HGS: variants seen among roughly 807,000 people sequenced by gnomAD.
HGS encodes the protein hepatocyte growth factor-regulated tyrosine kinase substrate.
A neutral mutation model predicts 109.7 loss-of-function variants in HGS; 63 were observed. The ratio of observed to expected loss-of-function variants is 0.57; its 90% CI spans 0.47 to 0.71. HGS has a LOEUF of 0.71. Ranked by LOEUF, HGS falls within the 30% of genes least tolerant of loss-of-function variation. HGS has a pLI of 0.00. For synonymous variants in HGS, 546 were observed against 437.3 expected (o/e 1.25, Z -3.10); for missense variants, 995 against 1,068.3 (o/e 0.93, Z 0.96).
At chr17:81,694,189 G>T (rs1277857704) in intron 11 of HGS, among the ~76,000 whole-genome samples, 1 of 152,204 alleles carries the variant, frequency 6.6e-6, no homozygotes, top group African/African-American at 2.4e-5. Flanking sequence ...GAGGACATGG[G>T]ACAGGCTGTG....
intron 1 of HGS, chr17:81,685,018 C>G (rs953325812): frequency 7.1e-5 from 70 of 985,198 alleles, no homozygotes; most frequent in Non-Finnish European, 7.8e-5. Context: ...CTGGAGCTGC[C>G]CCCCCAGAGG....
intron 18 of HGS, 79 bp downstream of exon 18, chr17:81,697,077 A>G: frequency 2.1e-6 from 3 of 1,432,150 alleles, no homozygotes; most frequent in Non-Finnish European, 2.8e-6. Context: ...AAGCAGTAAG[A>G]ATGGTGCGAA....
intron 5 of HGS, 69 bp downstream of exon 5, chr17:81,688,896 C>T: frequency 6.3e-7 from 1 of 1,594,524 alleles, no homozygotes; most frequent in East Asian, 2.2e-5. Flanking sequence ...TCAACGGGCA[C>T]AGTGGCGAGG....
chr17:81,692,103 G>C (rs749976893), intron 8 of HGS: 14 of 161,240 alleles, frequency 8.7e-5, no homozygotes, highest in Non-Finnish European at 1.5e-4. Context: ...ATCTCTGAGA[G>C]GGACAGTGCT....
chr17:81,695,122 T>C (rs376635829), intron 13 of HGS, 42 bp from the exon 14 acceptor site: 1 of 1,613,520 alleles, frequency 6.2e-7, no homozygotes, highest in Non-Finnish European at 8.5e-7. Flanking sequence ...AAGGGGTGGA[T>C]GCGGGACAGG....
In HGS at chr17:81,687,061, A is replaced by G; in HGVS notation, c.257A>G (p.Lys86Arg). Reference sequence around the variant, plus strand: ...ACAGTTCATGATGAGGTGGCCAACAAGCAGACCATGGAGGAGCTGAAGGAC... The same window carrying G: ...ACAGTTCATGATGAGGTGGCCAACAGGCAGACCATGGAGGAGCTGAAGGAC... ...GQTVHDEVANKQTMEELKDLL... is the reference protein window; with the variant it reads ...GQTVHDEVANRQTMEELKDLL... Residue 86 changes from lysine (K) to arginine (R), a missense_variant, in exon 4 of 22, where the codon AAG (lysine) becomes AGG (arginine). Around this residue, in one of 6 missense-constraint regions of HGS, gnomAD observed 182 missense variants for 261.3 expected, o/e 0.70. Coordinates refer to ENST00000329138, the MANE Select transcript of HGS (RefSeq NM_004712.5). The G allele has an allele frequency of 6.2e-7, 1 of 1,613,448 alleles. No individual in the cohort carries two copies. The highest frequency in any genetic ancestry group is 8.5e-7 in the Non-Finnish European group (1 of 1,179,934).
chr17:81,698,325 G>A (rs527909348), intron 18 of HGS: 1 of 152,354 alleles, frequency 6.6e-6, no homozygotes, highest in African/African-American at 2.4e-5. Context: ...AGGTCTTTCT[G>A]TGTTGCCCAA....
chr17:81,693,807 C>T (rs2037102223), intron 10 of HGS, 55 bp downstream of exon 10: 2 of 1,550,004 alleles, frequency 1.3e-6, no homozygotes, highest in East Asian at 4.6e-5. Context: ...CCTGGATGTG[C>T]TGCGGTGGGG....
chr17:81,691,996 T>C lies in HGS; in HGVS notation c.662+425T>C. 1 of 190,010 alleles carries C rather than the reference T, an allele frequency of 5.3e-6. No homozygotes were observed. The highest frequency in any genetic ancestry group is 5.4e-5 in the Admixed American group (1 of 18,660). The allele number at this position is 190,010 out of a possible 1,614,324, so 11.8% of individuals were successfully genotyped here. A position where few individuals can be genotyped will look rare whatever the true frequency, so the allele number is the denominator to read the frequency against. On this transcript the variant is annotated intron_variant, in intron 8 of 21. Transcript: ENST00000329138. This position sits in a 1 kb window ranked among gnomAD's most constrained non-coding sequence, Gnocchi z 5.3. ...GTTTTGTCGCAGAGTTTACTCTGCC[T>C]CCCCTCTCCTGCGCGTGCGTGTGTT... is the stretch of plus-strand genomic sequence containing the variant.
chr17:81,688,481 C>A (rs757616697), intron 4 of HGS, among the ~76,000 whole-genome samples: 1 of 152,188 alleles, frequency 6.6e-6, no homozygotes, highest in African/African-American at 2.4e-5. Context: ...CACAGAGACG[C>A]GGCGTTGTTT....
rs762698008 is a variant in HGS, at chr17:81,701,072, G to A, written c.2164G>A (p.Asp722Asn). The stretch of plus-strand genomic sequence containing the variant: ...TCTCATGACCACCCTCCCAAGCCAG[G>A]ATGCGTCTCTGCCACCCCAGCAGCC... ...QNLMTTLPSQDASLPPQQPYI... is the reference protein window; with the variant it reads ...QNLMTTLPSQNASLPPQQPYI... The change falls in exon 21 of 22, where the codon GAT (aspartate) becomes AAT (asparagine). Residue 722 changes from aspartate (D) to asparagine (N), a missense_variant. By Grantham distance (23) the Asp-to-Asn change is conservative. Around this residue, in one of 6 missense-constraint regions of HGS, gnomAD observed 326 missense variants for 309.7 expected, o/e 1.05. Transcript: ENST00000329138. The A allele has an allele frequency of 6.8e-6, 11 of 1,614,070 alleles. No individual in the cohort carries two copies. The highest frequency in any genetic ancestry group is 8.5e-6 in the Non-Finnish European group (10 of 1,180,030).
Position 81,691,393 on chromosome 17 carries a change from G to A in HGS, c.538-54G>A, listed in dbSNP as rs1294921734. The A allele has an allele frequency of 5.6e-6, 9 of 1,608,088 alleles. No individual in the cohort carries two copies. Among genetic ancestry groups the A allele is most frequent in the Non-Finnish European group, 7.6e-6 (9 of 1,178,210 alleles). On this transcript the variant is annotated intron_variant, in intron 7 of 21. Coordinates refer to ENST00000329138, the MANE Select transcript of HGS (RefSeq NM_004712.5). The surrounding 1 kb of genome is among the most constrained non-coding windows in gnomAD (Gnocchi z 5.3). ...GTACGGGGTGGTTCTGGGCCGGGTG[G>A]CGCATCAGGGTCCCCCAGTGCCTGT...
intron 18 of HGS, among the ~76,000 whole-genome samples, chr17:81,699,530 A>G (rs550374837): frequency 3.2e-4 from 49 of 152,268 alleles, no homozygotes; most frequent in African/African-American, 1.1e-3. Context: ...GGTTCAAGCA[A>G]TTCTCCTGCC....
chr17:81,685,679 G>C lies in HGS; in HGVS notation c.112G>C (p.Gly38Arg). ...ILQICDLIRQ[G>R]DTQAKYAVNS... Reference sequence around the variant, plus strand: ...GCAGATCTGCGACCTGATCCGCCAAGGGGACACACAGTGAGTTAGCGGGGC... The same window carrying C: ...GCAGATCTGCGACCTGATCCGCCAACGGGACACACAGTGAGTTAGCGGGGC... The change falls in exon 2 of 22, where the codon GGG becomes CGG. Residue 38 changes from glycine to arginine, a missense_variant. Transcript: ENST00000329138. The C allele has an allele frequency of 6.2e-7, 1 of 1,612,146 alleles. No homozygotes were observed. Among genetic ancestry groups the C allele is most frequent in the East Asian group, 2.2e-5 (1 of 44,800 alleles).
At chr17:81,689,929 G>T (rs888328734) in intron 5 of HGS, among the ~76,000 whole-genome samples, 2 of 152,220 alleles carry the variant, frequency 1.3e-5, no homozygotes, top group African/African-American at 2.4e-5. Flanking sequence ...GGGGCCTCAT[G>T]CCCTGATGGA....
intron 18 of HGS, among the ~76,000 whole-genome samples, chr17:81,700,243 C>T (rs1010065553): frequency 7.2e-5 from 11 of 151,752 alleles, no homozygotes; most frequent in African/African-American, 2.7e-4. Context: ...GTGGCGTACG[C>T]CCGTAATCCC....
intron 2 of HGS, 30 bp downstream of exon 2, chr17:81,685,719 G>A (rs536327800): frequency 3.9e-5 from 62 of 1,578,000 alleles, no homozygotes; most frequent in South Asian, 3.0e-4. Flanking sequence ...GCCCTGATGC[G>A]GAGGAGCAGC....
At chr17:81,693,167 TG>T (rs1256293679) in intron 8 of HGS, among the ~76,000 whole-genome samples, 1 of 152,172 alleles carries the variant, frequency 6.6e-6, no homozygotes, top group Non-Finnish European at 1.5e-5. Context: ...CCTTCTTGGG[TG>T]GGGCCCGTCC....
rs748559137 is a variant in HGS, at chr17:81,696,844, C to T, written c.1728C>T (p.Ala576=). ...PYAQLQAMPA[A]GGVLYQPSGP... is the part of the protein sequence containing the mutation. ...CCCAGCTCCAGGCCATGCCCGCAGC[C>T]GGAGGTGTGCTCTACCAGCCCTCGG... is the stretch of plus-strand genomic sequence containing the variant. Residue 576 remains alanine (A), a synonymous_variant, in exon 18 of 22, where the codon GCC becomes GCT. Transcript: ENST00000329138. 11 of 1,610,706 alleles carry T rather than the reference C, an allele frequency of 6.8e-6. No individual in the cohort carries two copies. The highest frequency in any genetic ancestry group is 5.5e-5 in the South Asian group (5 of 90,970).
Sources: gnomAD v4.1 joint callset for allele counts (sites outside exome capture counted in the v4.1 genomes callset) on GRCh38, gnomAD v4.1.1 for gene constraint, gnomAD v4.1.1 regional missense constraint, Gnocchi (gnomAD v3.1) non-coding constraint, MANE v1.5 for transcripts, NCBI Gene and HGNC (gene_info 2026-07-23, HGNC 2026-07-21) for gene names.